The following NASP variants were observed in gnomAD, a reference collection of about 807,000 sequenced individuals.
NASP encodes the protein nuclear autoantigenic sperm protein.
Under a neutral mutation model 89.5 loss-of-function variants are expected in NASP, and 24 were observed. That is an observed-to-expected ratio of 0.27 (90% CI 0.19 to 0.38). The LOEUF (loss-of-function observed/expected upper bound fraction) is 0.38. NASP is among the 10% of genes least tolerant of loss of function. The pLI, the probability that NASP is intolerant of heterozygous loss-of-function variation, is 1.00. For missense variants in NASP, 848 were observed against 921.4 expected (o/e 0.92, Z 1.03); for synonymous variants, 306 against 324.7 (o/e 0.94, Z 0.62).
chr1:45,605,081 C>A, intron 4 of NASP, 65 bp downstream of exon 4: 1 of 1,276,582 alleles, frequency 7.8e-7, no homozygotes, highest in Non-Finnish European at 1.1e-6. Context: ...TTTGAGATTT[C>A]ACAGGAGCTA....
chr1:45,608,433 C>A (rs772662355), intron 6 of NASP, 96 bp downstream of exon 6: 216 of 1,334,500 alleles, frequency 1.6e-4, no homozygotes, highest in Non-Finnish European at 2.2e-4. Context: ...CAGGATTTTC[C>A]GTCTGCCTTT....
At chr1:45,591,185 C>T (rs750397281) in intron 1 of NASP, 38 bp from the exon 2 acceptor site, 38 of 1,278,308 alleles carry the variant, frequency 3.0e-5, no homozygotes, top group Non-Finnish European at 3.9e-5. Context: ...TAATTGCCTC[C>T]AGTTTTACAT....
At chr1:45,601,611 A>G (rs554838527) in intron 2 of NASP, among the ~76,000 whole-genome samples, 1 of 152,128 alleles carries the variant, frequency 6.6e-6, no homozygotes, top group South Asian at 2.1e-4. Context: ...CTTAATTTTA[A>G]TATTTCTTTT....
At chr1:45,609,178 A>G (rs529946649) in intron 6 of NASP, 1 of 152,362 alleles carries the variant, frequency 6.6e-6, no homozygotes, top group South Asian at 2.1e-4. Context: ...GACTTTTGCT[A>G]TCATTTGAGG....
chr1:45,605,003 C>G lies in NASP; in HGVS notation c.286C>G (p.Leu96Val). 1 of 1,611,206 alleles carries G rather than the reference C, an allele frequency of 6.2e-7. No individual in the cohort carries two copies. Among genetic ancestry groups the G allele is most frequent in the Non-Finnish European group, 8.5e-7 (1 of 1,177,500 alleles). The change falls in exon 4 of 15, where the codon CTG becomes GTG. Residue 96 changes from leucine (L) to valine (V), a missense_variant. By Grantham distance (32) the Leu-to-Val change is conservative. This residue lies in a region of NASP where 17 missense variants were observed against 38.6 expected (regional missense o/e 0.44). Coordinates refer to ENST00000350030, the MANE Select transcript of NASP (RefSeq NM_002482.4). Reference sequence around the variant, plus strand: ...CTTCTTTTTCTATGGGAAATCACTTCTGGAGTTGGCAAGGTATGGATGTTG... The same window carrying G: ...CTTCTTTTTCTATGGGAAATCACTTGTGGAGTTGGCAAGGTATGGATGTTG... ...EAFFFYGKSL[L>V]ELARMENGVL... is the part of the protein sequence containing the mutation.
intron 11 of NASP, among the ~76,000 whole-genome samples, chr1:45,616,052 G>A (rs2148374899): frequency 6.6e-6 from 1 of 152,336 alleles, no homozygotes; most frequent in South Asian, 2.1e-4. Flanking sequence ...GGCATTGAGA[G>A]GCATTCACCA....
chr1:45,597,859 A>G (rs1043995920), intron 2 of NASP, among the ~76,000 whole-genome samples: 2 of 152,152 alleles, frequency 1.3e-5, no homozygotes, highest in African/African-American at 2.4e-5. Flanking sequence ...CTTGTTTCCT[A>G]TGAGATTACT....
intron 3 of NASP, 134 bp from the exon 4 acceptor site, chr1:45,604,801 AC>A: frequency 1.5e-6 from 1 of 650,196 alleles, no homozygotes; most frequent in Non-Finnish European, 2.7e-6. Flanking sequence ...TGTCACTTTG[AC>A]CTTGAAAGCA....
Position 45,607,436 on chromosome 1 carries a change from C to T in NASP, c.525C>T (p.Asp175=), listed in dbSNP as rs781377111. The change falls in exon 6 of 15, where the codon GAC becomes GAT. Residue 175 remains aspartate (D), a synonymous_variant. Transcript: ENST00000350030. ...AGCCTGAAACTGATAAAGAACAGGACAGTGAAATGGAGAAGGGTGGAAGAG... is the reference window on the plus strand; with the variant it reads ...AGCCTGAAACTGATAAAGAACAGGATAGTGAAATGGAGAAGGGTGGAAGAG... ...LAKPETDKEQ[D]SEMEKGGRED... 6.2e-7 allele frequency: 1 copy of T among 1,613,684 alleles called. No individual in the cohort carries two copies. The highest frequency in any genetic ancestry group is 2.2e-5 in the East Asian group (1 of 44,886).
At position 45,613,166 on chromosome 1, in the gene NASP, T is replaced by C. The variant is rs1375657957; in HGVS notation, c.1427-3T>C. 6.2e-7 allele frequency: 1 copy of C among 1,603,034 alleles called. No individual in the cohort carries two copies. Among genetic ancestry groups the C allele is most frequent in the Admixed American group, 1.7e-5 (1 of 57,340 alleles). ...CTCAATACTGAGGAATTTTTACTTG[T>C]AGAAACTGAAGGCTCAGAAGAGGAT... On this transcript the variant is annotated splice_polypyrimidine_tract_variant and splice_region_variant and intron_variant, in intron 6 of 14. Coordinates refer to ENST00000350030, the MANE Select transcript of NASP (RefSeq NM_002482.4).
intron 6 of NASP, chr1:45,611,876 T>TTTAGACGGAGTCTTGCTC (rs1644019289): frequency 6.8e-6 from 1 of 146,094 alleles, no homozygotes; most frequent in African/African-American, 2.6e-5. Flanking sequence ...TTTTTTTTTT[T>TTTAGACGGAGTCTTGCTC]TGAGACGGAG....
chr1:45,614,682 G>A (rs924763321), intron 9 of NASP, among the ~76,000 whole-genome samples: 16 of 152,140 alleles, frequency 1.1e-4, no homozygotes, highest in African/African-American at 3.6e-4. Flanking sequence ...GGGATTACAG[G>A]CACCCACCAC....
intron 12 of NASP, 92 bp from the exon 13 acceptor site, chr1:45,616,534 G>GT: frequency 6.6e-7 from 1 of 1,508,208 alleles, no homozygotes; most frequent in Non-Finnish European, 9.2e-7. Flanking sequence ...AACATAGTGA[G>GT]ACCTTGTCTC....
At position 45,591,239 on chromosome 1, in the gene NASP, G is replaced by A; in HGVS notation, c.76G>A (p.Ala26Thr). ...VSADKIEDVP[A>T]PSTSADKVES... is the part of the protein sequence containing the mutation. ...TTATTACAGAATTGAAGATGTTCCT[G>A]CTCCTTCTACATCTGCAGATAAAGT... Residue 26 changes from alanine (A) to threonine (T), a missense_variant, in exon 2 of 15, where the codon GCT (alanine) becomes ACT (threonine). By Grantham distance (58) the Ala-to-Thr change is moderately conservative. Coordinates refer to ENST00000350030, the MANE Select transcript of NASP (RefSeq NM_002482.4). 2 of 1,543,220 alleles carry A rather than the reference G, an allele frequency of 1.3e-6. No individual in the cohort carries two copies. Among genetic ancestry groups the A allele is most frequent in the Non-Finnish European group, 1.7e-6 (2 of 1,147,634 alleles).
At position 45,586,640 on chromosome 1, in the gene NASP, GAGAACAT is replaced by G. The variant is rs534611641; in HGVS notation, c.59+2436_59+2442del. 1.3e-4 allele frequency among the ~76,000 whole-genome samples: 20 copies of G among 152,220 alleles called. No homozygotes were observed. In the East Asian group the frequency reaches 3.9e-3, roughly 29 times the overall value. On this transcript the variant is annotated intron_variant, in intron 1 of 14. Transcript: ENST00000350030. ...TCGTTTCCCCATCTAATTAGTGTGA[GAGAACAT>G]GAAAGCAGTGTGTCTCAGTTAAGTA...
chr1:45,605,414 T>C (rs745529915), intron 4 of NASP, among the ~76,000 whole-genome samples: 15 of 152,312 alleles, frequency 9.8e-5, no homozygotes, highest in African/African-American at 1.9e-4. Context: ...AAGTTCTGTT[T>C]AGGGTATACA....
At chr1:45,613,430 T>C (rs981213254) in intron 7 of NASP, among the ~76,000 whole-genome samples, 182 bp downstream of exon 7, 6 of 152,194 alleles carry the variant, frequency 3.9e-5, no homozygotes, top group Admixed American at 1.3e-4. Flanking sequence ...ACTACAGGCT[T>C]GTGCCAACAT....
chr1:45,588,188 C>G (rs1557648268), intron 1 of NASP, among the ~76,000 whole-genome samples: 1 of 152,148 alleles, frequency 6.6e-6, no homozygotes, highest in Non-Finnish European at 1.5e-5. Context: ...ACCGCAGTCT[C>G]CACCTCCAGG....
rs1643536993 is a variant in NASP at position 45,591,105 on chromosome 1, G to C, written c.60-118G>C. On this transcript the variant is annotated intron_variant, in intron 1 of 14. Coordinates refer to ENST00000350030, the MANE Select transcript of NASP (RefSeq NM_002482.4). ...TAATGTAAGTAAGTAAATAATACTT[G>C]AGTATTTAATAAATGACAGCTCTTT... The C allele has an allele frequency of 1.6e-5, 9 of 578,772 alleles. No individual in the cohort carries two copies. The South Asian group carries it at 1.8e-4, about 12-fold the overall frequency. 35.9% of individuals were successfully genotyped at this position (578,772 alleles called of 1,614,324 possible).
Sources: allele counts gnomAD v4.1 joint callset (sites outside exome capture counted in the v4.1 genomes callset), GRCh38; gene constraint gnomAD v4.1.1; regional missense constraint gnomAD v4.1.1; transcripts MANE v1.5; gene names NCBI Gene and HGNC (gene_info 2026-07-23, HGNC 2026-07-21).